The following C16orf89 variants were observed in gnomAD, a reference collection of about 807,000 sequenced individuals.
C16orf89 encodes the protein UPF0764 protein C16orf89.
In C16orf89, 57 loss-of-function variants were observed where a neutral mutation model predicts 41.5. The ratio of observed to expected loss-of-function variants is 1.38; its 90% CI spans 1.11 to 1.71. The LOEUF (loss-of-function observed/expected upper bound fraction) is 1.71, where lower values mean the gene tolerates loss of function less well. Among genes scored for constraint, C16orf89 ranks in the 40% most tolerant of loss-of-function variants. The pLI, the probability that C16orf89 is intolerant of heterozygous loss-of-function variation, is 0.00. For synonymous variants in C16orf89, 223 were observed against 190.6 expected (o/e 1.17, Z -1.40); for missense variants, 575 against 445.9 (o/e 1.29, Z -2.61).
Position 5,055,751 on chromosome 16 carries a change from T to C in C16orf89, c.763+302A>G, listed in dbSNP as rs1261641179. 3 of 1,533,634 alleles carry C rather than the reference T, an allele frequency of 2.0e-6. No individual in the cohort carries two copies. In the Admixed American group the frequency reaches 5.9e-5, roughly 30 times the overall value. On this transcript the variant is annotated intron_variant, in intron 5 of 7. Transcript: ENST00000472572. ...TTGGGGGCAGGAAACTGTCACACAGTGGCAGGTAAAATACAGGATGCCCAG... is the reference window on the plus strand; with the variant it reads ...TTGGGGGCAGGAAACTGTCACACAGCGGCAGGTAAAATACAGGATGCCCAG...
At chr16:5,059,737 A>T (rs964750012) in intron 3 of C16orf89, among the ~76,000 whole-genome samples, 2 of 152,104 alleles carry the variant, frequency 1.3e-5, no homozygotes, top group South Asian at 2.1e-4. Flanking sequence ...CTCACTGGGG[A>T]TGGGGACAGG....
chr16:5,052,948 A>G (rs1956424613), intron 6 of C16orf89, among the ~76,000 whole-genome samples: 1 of 152,206 alleles, frequency 6.6e-6, no homozygotes, highest in African/African-American at 2.4e-5. Flanking sequence ...TTCACCATAA[A>G]AATAACCAAA....
At position 5,044,405 on chromosome 16, in the gene C16orf89, G is replaced by A. The variant is rs755317950; in HGVS notation, c.1029C>T (p.Tyr343=). 1.9e-6 allele frequency: 3 copies of A among 1,612,760 alleles called. No individual in the cohort carries two copies. Among genetic ancestry groups the A allele is most frequent in the East Asian group, 4.5e-5 (2 of 44,872 alleles). Residue 343 remains tyrosine (Y), a synonymous_variant, in exon 8 of 8, where the codon TAC becomes TAT. Transcript: ENST00000472572. ...GGTGTGGCTCTCTGTTTGCTGGGGGGTATTCTGCCAGGATGTATAGGAAGC... is the reference window on the plus strand; with the variant it reads ...GGTGTGGCTCTCTGTTTGCTGGGGGATATTCTGCCAGGATGTATAGGAAGC... ...LGGFLYILAE[Y]PPANREPHPS...
intron 6 of C16orf89, among the ~76,000 whole-genome samples, chr16:5,052,835 T>C (rs1956422733): frequency 6.6e-6 from 1 of 152,206 alleles, no homozygotes; most frequent in Non-Finnish European, 1.5e-5. Flanking sequence ...CCCCCATGTT[T>C]ATTGCAGCGC....
At chr16:5,047,340 C>T (rs531633299) in intron 7 of C16orf89, among the ~76,000 whole-genome samples, 11 of 152,248 alleles carry the variant, frequency 7.2e-5, no homozygotes, top group South Asian at 2.1e-4. Flanking sequence ...AAGTTCCTGA[C>T]GCAGGTTCTA....
At chr16:5,052,560 C>G (rs1381478845) in intron 6 of C16orf89, among the ~76,000 whole-genome samples, 2 of 151,576 alleles carry the variant, frequency 1.3e-5, no homozygotes, top group Non-Finnish European at 2.9e-5. Context: ...CACTGCACTC[C>G]AGCCTGGGTG....
chr16:5,065,599 G>A (rs770522045), intron 1 of C16orf89, 102 bp downstream of exon 1: 3 of 1,333,438 alleles, frequency 2.2e-6, no homozygotes, highest in African/African-American at 2.9e-5. Context: ...GGCTATACTG[G>A]GGCCAGGAGT....
chr16:5,047,836 CTT>C, intron 7 of C16orf89, 40 bp downstream of exon 7: 1 of 1,138,198 alleles, frequency 8.8e-7, no homozygotes. Flanking sequence ...GCTAGGATAT[CTT>C]AGTTTCATGT....
intron 4 of C16orf89, among the ~76,000 whole-genome samples, chr16:5,057,099 A>G (rs1956523617): frequency 6.6e-6 from 1 of 151,836 alleles, no homozygotes; most frequent in Non-Finnish European, 1.5e-5. Flanking sequence ...TTAGCTGGGC[A>G]TAGTGGGACG....
intron 4 of C16orf89, among the ~76,000 whole-genome samples, chr16:5,057,326 T>G (rs1051837997): frequency 9.0e-5 from 13 of 145,246 alleles, no homozygotes; most frequent in African/African-American, 1.3e-4. Flanking sequence ...ATATACATAG[T>G]GGTGTATATA....
intron 6 of C16orf89, among the ~76,000 whole-genome samples, chr16:5,051,186 C>T (rs1186170030): frequency 6.6e-6 from 1 of 152,056 alleles, no homozygotes; most frequent in Non-Finnish European, 1.5e-5. Context: ...TGACATAATA[C>T]TAGAAGTCTT....
intron 4 of C16orf89, among the ~76,000 whole-genome samples, chr16:5,057,499 C>G (rs1235833918): frequency 1.4e-5 from 2 of 148,020 alleles, no homozygotes; most frequent in Non-Finnish European, 3.0e-5. Context: ...ATATATGCCA[C>G]CATATATATA....
chr16:5,046,094 G>A (rs984410649), intron 7 of C16orf89, among the ~76,000 whole-genome samples: 1 of 152,158 alleles, frequency 6.6e-6, no homozygotes, highest in African/African-American at 2.4e-5. Context: ...ACCTCTGGAA[G>A]TCTCCTGGGA....
At chr16:5,055,121 C>A (rs1956467642) in intron 6 of C16orf89, 125 bp downstream of exon 6, 4 of 814,740 alleles carry the variant, frequency 4.9e-6, no homozygotes, top group Middle Eastern at 4.6e-4. Context: ...GTGTGTGCAC[C>A]TGTAGGTTAC....
chr16:5,063,655 G>A (rs943062444), intron 1 of C16orf89, among the ~76,000 whole-genome samples: 6 of 152,146 alleles, frequency 3.9e-5, no homozygotes, highest in African/African-American at 1.4e-4. Flanking sequence ...GTTGTGAATT[G>A]CACATACGAG....
At chr16:5,057,826 G>C (rs1956541538) in intron 4 of C16orf89, among the ~76,000 whole-genome samples, 1 of 151,964 alleles carries the variant, frequency 6.6e-6, no homozygotes, top group Non-Finnish European at 1.5e-5. Context: ...ACCGTGCCCG[G>C]CCTCATTCAT....
chr16:5,045,686 C>A (rs116094973), intron 7 of C16orf89, among the ~76,000 whole-genome samples: 2 of 152,146 alleles, frequency 1.3e-5, no homozygotes, highest in Admixed American at 6.5e-5. Context: ...CAGTTTGGTG[C>A]CCATTTTACA....
In C16orf89 at chr16:5,061,557, T is replaced by C. The variant is rs74006408; in HGVS notation, c.358+868A>G. ...AGGTGGAATTAGTGGGGAGGTGATA[T>C]TGGTAGACCTTTTGGTTTGGTGAGA... On this transcript the variant is annotated intron_variant, in intron 2 of 7. Transcript: ENST00000472572. 9.1e-3 allele frequency among the ~76,000 whole-genome samples: 1,330 copies of C among 146,898 alleles called. 25 individuals are homozygous for C. Among genetic ancestry groups the C allele is most frequent in the African/African-American group, 0.031 (1,236 of 39,330 alleles).
intron 6 of C16orf89, among the ~76,000 whole-genome samples, chr16:5,051,598 A>G (rs1346511007): frequency 1.3e-5 from 2 of 152,226 alleles, no homozygotes; most frequent in African/African-American, 2.4e-5. Context: ...GATTGGAAGA[A>G]TTAATATTGT....
Sources: gnomAD v4.1 joint callset for allele counts (sites outside exome capture counted in the v4.1 genomes callset) on GRCh38, gnomAD v4.1.1 for gene constraint, MANE v1.5 for transcripts, NCBI Gene and HGNC (gene_info 2026-07-23, HGNC 2026-07-21) for gene names.